The following RANBP2 variants were observed in gnomAD, a reference collection of about 807,000 sequenced individuals.
RANBP2 encodes RAN binding protein 2, also known as E3 SUMO-protein ligase RanBP2.
A neutral mutation model predicts 303.6 loss-of-function variants in RANBP2; 57 were observed. That is an observed-to-expected ratio of 0.19 (90% confidence interval 0.15 to 0.23). RANBP2 has a LOEUF of 0.23. Ranked by LOEUF, RANBP2 falls within the 10% of genes least tolerant of loss-of-function variation. The probability of loss-of-function intolerance (pLI) is 1.00; values close to 1 mark genes in which losing one functional copy is unlikely to be tolerated. For synonymous variants in RANBP2, 1,167 were observed against 1,301.5 expected (o/e 0.90, Z 2.23); for missense variants, 3,138 against 3,780.8 (o/e 0.83, Z 4.46).
chr2:109,274,656 C>A, the RANBP2 span, among the ~76,000 whole-genome samples: 7 of 152,186 alleles, frequency 4.6e-5, no homozygotes, highest in Non-Finnish European at 8.8e-5. Context: ...AGAATTACTT[C>A]ACGGGGGTAG....
At chr2:109,450,513 C>A in the RANBP2 span, among the ~76,000 whole-genome samples, 12 of 152,124 alleles carry the variant, frequency 7.9e-5, no homozygotes, top group Non-Finnish European at 1.5e-5. Context: ...TTTCTAGTAG[C>A]CACATTTTTA....
chr2:109,151,922 A>G, the RANBP2 span, among the ~76,000 whole-genome samples: 23 of 152,384 alleles, frequency 1.5e-4, no homozygotes, highest in African/African-American at 5.5e-4. Flanking sequence ...TGAAGTTAAT[A>G]TAATAACAGC....
the RANBP2 span, among the ~76,000 whole-genome samples, chr2:109,220,407 A>C: frequency 1.7e-4 from 26 of 152,222 alleles, no homozygotes; most frequent in Admixed American, 7.2e-4. Context: ...CAGGCAATAC[A>C]AGAAAAAAAT....
chr2:109,439,679 CCT>C, the RANBP2 span, among the ~76,000 whole-genome samples: 4 of 152,148 alleles, frequency 2.6e-5, no homozygotes, highest in African/African-American at 9.7e-5. Flanking sequence ...CTTGCACACT[CCT>C]GTCTGTGCTT....
At chr2:109,348,079 CT>C in the RANBP2 span, 1 of 1,285,596 alleles carries the variant, frequency 7.8e-7, no homozygotes, top group Non-Finnish European at 1.0e-6. Flanking sequence ...TCCCGGAACC[CT>C]GGGCAAATGA....
chr2:108,771,707 A>G lies in RANBP2; in HGVS notation c.7856A>G (p.Glu2619Gly). 1.2e-6 allele frequency: 2 copies of G among 1,612,768 alleles called. No individual in the cohort carries two copies. Among genetic ancestry groups the G allele is most frequent in the Non-Finnish European group, 1.7e-6 (2 of 1,179,876 alleles). Residue 2619 changes from glutamate (E) to glycine (G), a missense_variant, in exon 21 of 29, where the codon GAG becomes GGG. Around this residue, in one of 20 missense-constraint regions of RANBP2, gnomAD observed 497 missense variants for 465.8 expected, o/e 1.07. Coordinates refer to ENST00000283195, the MANE Select transcript of RANBP2 (RefSeq NM_006267.5). ...TTTTTGACTGGTGTTACAGCAAAAG[A>G]GAAGAAAAAACCTGAAGATTCTCCC... Reference protein sequence around the residue: ...YTFKTPEKAKEKKKPEDSPSD... With the variant: ...YTFKTPEKAKGKKKPEDSPSD...
the RANBP2 span, among the ~76,000 whole-genome samples, chr2:108,793,844 C>T: frequency 6.6e-6 from 1 of 151,840 alleles, no homozygotes; most frequent in African/African-American, 2.4e-5. Context: ...CCTCATGATC[C>T]GCCCGCCTCG....
chr2:108,936,374 A>G, the RANBP2 span, among the ~76,000 whole-genome samples: 1 of 152,140 alleles, frequency 6.6e-6, no homozygotes, highest in South Asian at 2.1e-4. Context: ...GGGAGGGGAG[A>G]GGCTGTGGCT....
the RANBP2 span, among the ~76,000 whole-genome samples, chr2:109,485,075 G>A: frequency 6.6e-6 from 1 of 152,230 alleles, no homozygotes; most frequent in Admixed American, 6.5e-5. Context: ...TGCAGATTGA[G>A]GTTCTCATGG....
At chr2:109,332,937 C>T in the RANBP2 span, among the ~76,000 whole-genome samples, 2 of 152,250 alleles carry the variant, frequency 1.3e-5, no homozygotes, top group Non-Finnish European at 2.9e-5. Context: ...AGGAAATTAA[C>T]TGTGACAGTG....
chr2:108,905,105 A>G, the RANBP2 span, among the ~76,000 whole-genome samples: 1 of 152,212 alleles, frequency 6.6e-6, no homozygotes, highest in Admixed American at 6.5e-5. Flanking sequence ...CTGACTAATT[A>G]CATCAGGGTG....
At chr2:108,910,018 G>T in the RANBP2 span, among the ~76,000 whole-genome samples, 1 of 152,222 alleles carries the variant, frequency 6.6e-6, no homozygotes, top group Non-Finnish European at 1.5e-5. Context: ...CCCAGCACTT[G>T]GTGGGCAGTA....
chr2:109,410,332 G>A, the RANBP2 span, among the ~76,000 whole-genome samples: 5 of 152,246 alleles, frequency 3.3e-5, no homozygotes, highest in Admixed American at 6.5e-5. Context: ...GACAGGGAGA[G>A]AGATGCAGGA....
At chr2:109,399,360 CTCAGAA>C in the RANBP2 span, among the ~76,000 whole-genome samples, 85 of 152,322 alleles carry the variant, frequency 5.6e-4, 2 homozygotes, top group South Asian at 0.016. Flanking sequence ...GGAGTCAGAG[CTCAGAA>C]TCAGAATCAA....
the RANBP2 span, among the ~76,000 whole-genome samples, chr2:109,566,202 C>G: frequency 6.6e-6 from 1 of 152,092 alleles, no homozygotes; most frequent in East Asian, 1.9e-4. Context: ...CTCACTGCAG[C>G]CTCCGCCTCC....
chr2:109,070,908 G>C, the RANBP2 span, among the ~76,000 whole-genome samples: 1 of 151,040 alleles, frequency 6.6e-6, no homozygotes, highest in Non-Finnish European at 1.5e-5. Flanking sequence ...TCCCACTGTT[G>C]CTCCCTCTCT....
At chr2:109,088,396 C>CAAAAA in the RANBP2 span, among the ~76,000 whole-genome samples, 1 of 72,804 alleles carries the variant, frequency 1.4e-5, no homozygotes. Context: ...GATTCCATCT[C>CAAAAA]AAAAAAAAAA....
the RANBP2 span, among the ~76,000 whole-genome samples, chr2:108,990,437 CAAAA>C: frequency 1.4e-5 from 1 of 70,644 alleles, no homozygotes; most frequent in Non-Finnish European, 2.6e-5. Context: ...GACTCCGTCT[CAAAA>C]AAAAAAAAAA....
the RANBP2 span, among the ~76,000 whole-genome samples, chr2:109,024,832 T>C: frequency 6.6e-6 from 1 of 152,230 alleles, no homozygotes; most frequent in Non-Finnish European, 1.5e-5. Flanking sequence ...ATATTCTTTT[T>C]TAACTTATTT....
Sources: allele counts gnomAD v4.1 joint callset (sites outside exome capture counted in the v4.1 genomes callset), GRCh38; gene constraint gnomAD v4.1.1; regional missense constraint gnomAD v4.1.1; transcripts MANE v1.5; gene names NCBI Gene and HGNC (gene_info 2026-07-23, HGNC 2026-07-21).